The following ZC3H15 variants were observed in gnomAD, a reference collection of about 807,000 sequenced individuals.
ZC3H15 encodes the protein zinc finger CCCH domain-containing protein 15.
In ZC3H15, 15 loss-of-function variants were observed where a neutral mutation model predicts 51.2. The observed-to-expected ratio is 0.29, with a 90% CI of 0.20 to 0.45. The LOEUF is 0.45. Among genes scored for constraint, ZC3H15 ranks in the 20% least tolerant of loss-of-function variants. The probability of loss-of-function intolerance (pLI) is 1.00; values close to 1 mark genes in which losing one functional copy is unlikely to be tolerated. For synonymous variants in ZC3H15, 144 were observed against 162.8 expected (o/e 0.88, Z 0.88); for missense variants, 381 against 494.7 (o/e 0.77, Z 2.18).
intron 1 of ZC3H15, among the ~76,000 whole-genome samples, chr2:186,493,772 T>G (rs538631030): frequency 1.3e-5 from 2 of 151,694 alleles, no homozygotes; most frequent in East Asian, 3.9e-4. Flanking sequence ...TTGGCATTCT[T>G]TGGCTTATAT....
chr2:186,503,543 A>AT (rs1205989303), intron 5 of ZC3H15, among the ~76,000 whole-genome samples: 1 of 151,926 alleles, frequency 6.6e-6, no homozygotes, highest in Non-Finnish European at 1.5e-5. Flanking sequence ...CGGCCAGCTA[A>AT]TTTTTTGTAT....
chr2:186,506,634 G>T, intron 8 of ZC3H15, 79 bp from the exon 9 acceptor site: 1 of 1,456,142 alleles, frequency 6.9e-7, no homozygotes, highest in Non-Finnish European at 9.3e-7. Flanking sequence ...TGATAATTTT[G>T]GCTCATTAAG....
At chr2:186,500,343 CT>C in intron 3 of ZC3H15, 50 bp downstream of exon 3, 1 of 1,370,404 alleles carries the variant, frequency 7.3e-7, no homozygotes, top group Non-Finnish European at 1.0e-6. Flanking sequence ...GTAGTTTATG[CT>C]AAAAACTATT....
At chr2:186,496,451 C>G (rs1294122810) in intron 2 of ZC3H15, among the ~76,000 whole-genome samples, 1 of 152,220 alleles carries the variant, frequency 6.6e-6, no homozygotes, top group African/African-American at 2.4e-5. Flanking sequence ...ATCCGCCTGC[C>G]TTGGCCTCCC....
chr2:186,491,566 A>G (rs1437227528), intron 1 of ZC3H15, among the ~76,000 whole-genome samples: 1 of 152,138 alleles, frequency 6.6e-6, no homozygotes, highest in Non-Finnish European at 1.5e-5. Flanking sequence ...CAACAACCCT[A>G]AGTGAGACTC....
At chr2:186,488,044 G>T (rs981106323) in intron 1 of ZC3H15, among the ~76,000 whole-genome samples, 1 of 151,942 alleles carries the variant, frequency 6.6e-6, no homozygotes, top group Admixed American at 6.6e-5. Context: ...AATAATGAAG[G>T]TATCTCCAAA....
At chr2:186,497,070 T>A in intron 2 of ZC3H15, 1 of 380,760 alleles carries the variant, frequency 2.6e-6, no homozygotes, top group South Asian at 1.9e-5. Flanking sequence ...CCCTTTTTTT[T>A]TCAGGTTCTT....
rs565234967 is a variant in ZC3H15 at position 186,497,407 on chromosome 2, AT to A, written c.177+2074del. 7.9e-3 allele frequency among the ~76,000 whole-genome samples: 1,209 copies of A among 152,254 alleles called. 2 individuals carry two copies. Among genetic ancestry groups the A allele is most frequent in the Non-Finnish European group, 0.013 (893 of 68,014 alleles). On this transcript the variant is annotated intron_variant, in intron 2 of 9. Coordinates refer to ENST00000337859, the MANE Select transcript of ZC3H15 (RefSeq NM_018471.3). The stretch of plus-strand genomic sequence containing the variant: ...TAATAGCCCGGTTTAATAAAAATTA[AT>A]GTTTAGAGCTCACGCCTGTAATCCC...
At chr2:186,498,071 T>C (rs962892723) in intron 2 of ZC3H15, among the ~76,000 whole-genome samples, 1 of 152,234 alleles carries the variant, frequency 6.6e-6, no homozygotes, top group Non-Finnish European at 1.5e-5. Flanking sequence ...CCCTGGTTTA[T>C]CTGCCTACAA....
chr2:186,508,713 A>G lies in ZC3H15; in HGVS notation c.1261A>G (p.Thr421Ala). Residue 421 changes from threonine to alanine, a missense_variant, in exon 10 of 10, where the codon ACA becomes GCA. By Grantham distance (58) the Thr-to-Ala change is moderately conservative (BLOSUM62 0). Around this residue, in one of 3 missense-constraint regions of ZC3H15, gnomAD observed 215 missense variants for 241.8 expected, o/e 0.89. Transcript: ENST00000337859. ...DLDELEEELN[T>A]LDLEE The stretch of plus-strand genomic sequence containing the variant: ...GGATGAACTAGAAGAAGAATTAAAT[A>G]CACTTGATTTAGAAGAATGACACCA... The G allele has an allele frequency of 6.2e-7, 1 of 1,614,022 alleles. No individual in the cohort carries two copies. Among genetic ancestry groups the G allele is most frequent in the Admixed American group, 1.7e-5 (1 of 60,010 alleles).
chr2:186,503,920 G>A (rs1685426610), intron 5 of ZC3H15, 112 bp from the exon 6 acceptor site: 1 of 803,540 alleles, frequency 1.2e-6, no homozygotes, highest in Non-Finnish European at 1.8e-6. Flanking sequence ...TGAATAGAAT[G>A]TACTTGTGTA....
At chr2:186,495,000 AG>A (rs1478295974) in intron 1 of ZC3H15, among the ~76,000 whole-genome samples, 1 of 151,988 alleles carries the variant, frequency 6.6e-6, no homozygotes, top group African/African-American at 2.4e-5. Context: ...AAATTTAAAA[AG>A]CTTCATAGAA....
At chr2:186,503,931 AT>A in intron 5 of ZC3H15, 100 bp from the exon 6 acceptor site, 1 of 909,902 alleles carries the variant, frequency 1.1e-6, no homozygotes, top group South Asian at 2.8e-5. Flanking sequence ...TACTTGTGTA[AT>A]ATAACGTACT....
intron 4 of ZC3H15, among the ~76,000 whole-genome samples, chr2:186,501,898 G>T (rs1369326472): frequency 1.3e-5 from 2 of 152,056 alleles, no homozygotes; most frequent in African/African-American, 4.8e-5. Flanking sequence ...TTTTAGTAGA[G>T]ATGGGGTTTC....
At position 186,505,509 on chromosome 2, in the gene ZC3H15, A is replaced by G; in HGVS notation, c.776A>G (p.Lys259Arg). The G allele has an allele frequency of 6.2e-7, 1 of 1,602,078 alleles. No homozygotes were observed. Among genetic ancestry groups the G allele is most frequent in the Non-Finnish European group, 8.5e-7 (1 of 1,176,508 alleles). Reference sequence around the variant, plus strand: ...ACTCTAGAATCTTTTCTTGCCTGGAAGAAAAGGAAAAGACAAGAAAAGATT... The same window carrying G: ...ACTCTAGAATCTTTTCTTGCCTGGAGGAAAAGGAAAAGACAAGAAAAGATT... Reference protein sequence around the residue: ...KITLESFLAWKKRKRQEKIDK... With the variant: ...KITLESFLAWRKRKRQEKIDK... The change falls in exon 7 of 10, where the codon AAG becomes AGG. Residue 259 changes from lysine to arginine, a missense_variant. Coordinates refer to ENST00000337859, the MANE Select transcript of ZC3H15 (RefSeq NM_018471.3).
chr2:186,500,660 CTTTT>C, intron 3 of ZC3H15: 1 of 469,472 alleles, frequency 2.1e-6, no homozygotes, highest in South Asian at 1.5e-5. Context: ...TCTTTTTTGC[CTTTT>C]TTTGTTTTTG....
At position 186,500,040 on chromosome 2, in the gene ZC3H15, ACT is replaced by A. The variant is rs1443894918; in HGVS notation, c.178-139_178-138del. On this transcript the variant is annotated intron_variant, in intron 2 of 9. Transcript: ENST00000337859. ...ATAGTTTAACCACAACATTGAATAGACTCTGTAAGGCCATTATAACACTGATG... is the reference window on the plus strand; with the variant it reads ...ATAGTTTAACCACAACATTGAATAGACTGTAAGGCCATTATAACACTGATG... The A allele has an allele frequency of 4.5e-6, 3 of 663,758 alleles. No homozygotes were observed. The Admixed American group carries it at 1.0e-4, about 23-fold the overall frequency. 41.1% of individuals were successfully genotyped at this position (663,758 alleles called of 1,614,324 possible). A position where few individuals can be genotyped will look rare whatever the true frequency, so the allele number is the denominator to read the frequency against.
chr2:186,507,349 C>T (rs760144038), intron 9 of ZC3H15: 10 of 455,154 alleles, frequency 2.2e-5, no homozygotes, highest in South Asian at 7.8e-5. Context: ...GCAATGATAA[C>T]GGTGAGAAGA....
In ZC3H15 at chr2:186,503,977, A is replaced by C. The variant is rs528624106; in HGVS notation, c.535-55A>C. 35 of 1,402,898 alleles carry C rather than the reference A, an allele frequency of 2.5e-5. 1 individual carries two copies. In the South Asian group the frequency reaches 5.4e-4, roughly 21 times the overall value. The allele number at this position is 1,402,898 out of a possible 1,614,324, so 86.9% of individuals were successfully genotyped here. A position where few individuals can be genotyped will look rare whatever the true frequency, so the allele number is the denominator to read the frequency against. On this transcript the variant is annotated intron_variant, in intron 5 of 9. Coordinates refer to ENST00000337859, the MANE Select transcript of ZC3H15 (RefSeq NM_018471.3). ...ACTTGTTCCATATACTCAGGCATTT[A>C]CCTTGGAAATGGCCTACACTGAGCC...
Sources: allele counts gnomAD v4.1 joint callset (sites outside exome capture counted in the v4.1 genomes callset), GRCh38; gene constraint gnomAD v4.1.1; regional missense constraint gnomAD v4.1.1; transcripts MANE v1.5; gene names NCBI Gene and HGNC (gene_info 2026-07-23, HGNC 2026-07-21).